GLIS3: variants seen among roughly 807,000 people sequenced by gnomAD.
GLIS3 encodes GLIS family zinc finger 3, also known as zinc finger protein GLIS3.
A neutral mutation model predicts 78.6 loss-of-function variants in GLIS3; 53 were observed. The ratio of observed to expected loss-of-function variants is 0.67; its 90% confidence interval spans 0.54 to 0.85. GLIS3 has a LOEUF of 0.85. Among genes scored for constraint, GLIS3 ranks in the 40% least tolerant of loss-of-function variants. The pLI is 0.00. For synonymous variants in GLIS3, 684 were observed against 509.9 expected (o/e 1.34, Z -4.60); for missense variants, 1,703 against 1,231.1 (o/e 1.38, Z -5.74).
At chr9:4,419,028 C>G in the GLIS3 span, among the ~76,000 whole-genome samples, 1 of 152,192 alleles carries the variant, frequency 6.6e-6, no homozygotes, top group Non-Finnish European at 1.5e-5. Context: ...GCCTTGCAAT[C>G]TGTCATTAAG....
At chr9:3,964,022 G>A (rs901957870) in intron 4 of GLIS3, among the ~76,000 whole-genome samples, 9 of 152,036 alleles carry the variant, frequency 5.9e-5, no homozygotes, top group African/African-American at 7.2e-5. Flanking sequence ...AAACAACTGC[G>A]TCCCCGCACA....
At chr9:4,193,519 A>G (rs1818518386) in intron 2 of GLIS3, among the ~76,000 whole-genome samples, 1 of 152,138 alleles carries the variant, frequency 6.6e-6, no homozygotes. Context: ...CTGTAACTCA[A>G]TAGACAGCTG....
At chr9:4,311,118 A>G (rs575239783) in intron 2 of GLIS3, among the ~76,000 whole-genome samples, 5 of 152,348 alleles carry the variant, frequency 3.3e-5, no homozygotes, top group Non-Finnish European at 7.3e-5. Flanking sequence ...ATAGAAGTGT[A>G]TACCTTTTGG....
At chr9:4,372,729 A>G in the GLIS3 span, among the ~76,000 whole-genome samples, 1 of 152,040 alleles carries the variant, frequency 6.6e-6, no homozygotes, top group Non-Finnish European at 1.5e-5. Flanking sequence ...TTTCCTAAAG[A>G]CTCCTAAAAA....
chr9:4,437,339 T>C, the GLIS3 span, among the ~76,000 whole-genome samples: 27 of 152,326 alleles, frequency 1.8e-4, no homozygotes, highest in Admixed American at 5.9e-4. Context: ...ATTTGTATGA[T>C]TTGAATGAGA....
At chr9:3,904,971 T>G (rs938327990) in intron 6 of GLIS3, among the ~76,000 whole-genome samples, 2 of 150,454 alleles carry the variant, frequency 1.3e-5, no homozygotes, top group Non-Finnish European at 3.0e-5. Flanking sequence ...CTTCCTCTTA[T>G]GACTCTTTTT....
intron 2 of GLIS3, among the ~76,000 whole-genome samples, chr9:4,191,533 G>A (rs1030253960): frequency 6.6e-6 from 1 of 152,156 alleles, no homozygotes; most frequent in African/African-American, 2.4e-5. Context: ...TACCAAGAAA[G>A]ACCTAGATCT....
chr9:4,323,659 C>A (rs1185296744), intron 2 of GLIS3, among the ~76,000 whole-genome samples: 3 of 152,180 alleles, frequency 2.0e-5, no homozygotes, highest in Non-Finnish European at 4.4e-5. Flanking sequence ...ACCTTCAAAG[C>A]ATCATGTATG....
chr9:3,948,796 T>G (rs1034661918), intron 4 of GLIS3, among the ~76,000 whole-genome samples: 35 of 152,240 alleles, frequency 2.3e-4, no homozygotes, highest in African/African-American at 8.4e-4. Context: ...ATGAGTTGTT[T>G]CCATGATATG....
At chr9:4,190,429 T>C (rs886279103) in intron 2 of GLIS3, among the ~76,000 whole-genome samples, 77 of 149,274 alleles carry the variant, frequency 5.2e-4, no homozygotes, top group Non-Finnish European at 5.2e-4. Flanking sequence ...AGAAAGGGTA[T>C]CAGTGATGGA....
the GLIS3 span, among the ~76,000 whole-genome samples, chr9:4,451,204 C>A: frequency 3.9e-5 from 6 of 152,118 alleles, no homozygotes; most frequent in African/African-American, 1.4e-4. Context: ...CAATCCTAGT[C>A]TCTGATAAAA....
At chr9:4,265,725 G>C (rs1331667833) in intron 2 of GLIS3, among the ~76,000 whole-genome samples, 1 of 152,146 alleles carries the variant, frequency 6.6e-6, no homozygotes, top group African/African-American at 2.4e-5. Context: ...TCATGTTAGG[G>C]TGCTGAGGCA....
intron 5 of GLIS3, chr9:3,932,921 G>A: frequency 3.2e-6 from 1 of 312,228 alleles, no homozygotes; most frequent in South Asian, 2.9e-5. Flanking sequence ...GAAGAAACCT[G>A]ATTCAGAAAG....
At chr9:4,114,682 C>G (rs1831494645) in intron 4 of GLIS3, among the ~76,000 whole-genome samples, 1 of 152,124 alleles carries the variant, frequency 6.6e-6, no homozygotes. Context: ...TTCTGACTAG[C>G]TGAGGTCTGC....
At chr9:3,991,883 G>A (rs986660694) in intron 4 of GLIS3, among the ~76,000 whole-genome samples, 3 of 151,786 alleles carry the variant, frequency 2.0e-5, no homozygotes, top group Non-Finnish European at 4.4e-5. Flanking sequence ...GTAGAGACGG[G>A]GTTTCACCGT....
At chr9:4,164,120 C>T (rs149638905) in intron 2 of GLIS3, among the ~76,000 whole-genome samples, 71 of 152,328 alleles carry the variant, frequency 4.7e-4, no homozygotes, top group African/African-American at 1.7e-3. Flanking sequence ...TATGAGTCCA[C>T]ATTTAACTGC....
At chr9:3,836,036 C>G (rs1308721964) in intron 9 of GLIS3, among the ~76,000 whole-genome samples, 1 of 152,150 alleles carries the variant, frequency 6.6e-6, no homozygotes, top group African/African-American at 2.4e-5. Flanking sequence ...GGAATGCATT[C>G]AAGATAGGAA....
intron 1 of GLIS3, among the ~76,000 whole-genome samples, chr9:4,295,513 G>C (rs1816402073): frequency 6.6e-6 from 1 of 152,144 alleles, no homozygotes; most frequent in African/African-American, 2.4e-5. Flanking sequence ...AAAGAAGCCA[G>C]ACCCAAGAGT....
intron 7 of GLIS3, among the ~76,000 whole-genome samples, chr9:3,891,670 C>G (rs1460415623): frequency 1.3e-5 from 2 of 152,190 alleles, no homozygotes; most frequent in South Asian, 2.1e-4. Context: ...CCACTGCACT[C>G]TAGCGTGAGT....
Sources: gnomAD v4.1 joint callset for allele counts (sites outside exome capture counted in the v4.1 genomes callset) on GRCh38, gnomAD v4.1.1 for gene constraint, MANE v1.5 for transcripts, NCBI Gene and HGNC (gene_info 2026-07-23, HGNC 2026-07-21) for gene names.